NR6A1: variants seen among roughly 807,000 people sequenced by gnomAD.
NR6A1 encodes retinoic acid receptor-related testis-associated receptor.
Under a neutral mutation model 59.1 loss-of-function variants are expected in NR6A1, and 7 were observed. The ratio of observed to expected loss-of-function variants is 0.12; its 90% confidence interval spans 0.07 to 0.22. The LOEUF is 0.22. Among genes scored for constraint, NR6A1 ranks in the 10% least tolerant of loss-of-function variants. NR6A1 has a pLI of 1.00. For missense variants in NR6A1, 468 were observed against 611.6 expected, an observed-to-expected ratio of 0.77 and a Z score of 2.48; for synonymous variants, 243 against 236.1, an observed-to-expected ratio of 1.03 and a Z score of -0.27.
intron 1 of NR6A1, among the ~76,000 whole-genome samples, chr9:124,760,948 TG>T (rs971951684): frequency 6.6e-6 from 1 of 152,170 alleles, no homozygotes. Flanking sequence ...TGCATGTCAA[TG>T]GGGGGCTTCC....
intron 3 of NR6A1, 65 bp downstream of exon 3, chr9:124,554,262 AC>A: frequency 6.2e-7 from 1 of 1,608,816 alleles, no homozygotes; most frequent in African/African-American, 1.3e-5. Flanking sequence ...AAGTAACTAA[AC>A]AGCTGACACT....
At chr9:124,736,850 TAAAG>T (rs1840034249) in intron 1 of NR6A1, among the ~76,000 whole-genome samples, 2 of 151,906 alleles carry the variant, frequency 1.3e-5, no homozygotes, top group South Asian at 2.1e-4. Context: ...TCTCAAAAAA[TAAAG>T]AATTAAATGA....
chr9:124,527,729 A>T (rs776149811), intron 7 of NR6A1, among the ~76,000 whole-genome samples: 2 of 152,188 alleles, frequency 1.3e-5, no homozygotes, highest in Non-Finnish European at 2.9e-5. Flanking sequence ...GAAGTGGCTC[A>T]AAGCCCCCAT....
chr9:124,694,035 T>G (rs954903222), intron 2 of NR6A1, among the ~76,000 whole-genome samples: 1 of 152,188 alleles, frequency 6.6e-6, no homozygotes, highest in Non-Finnish European at 1.5e-5. Context: ...CACATCACAT[T>G]TTAAAAATCA....
At chr9:124,715,335 C>G (rs1009504549) in intron 2 of NR6A1, among the ~76,000 whole-genome samples, 6 of 151,886 alleles carry the variant, frequency 4.0e-5, no homozygotes, top group Admixed American at 3.9e-4. Flanking sequence ...CCAGCCTGGA[C>G]AACATAGTGA....
At chr9:124,601,327 G>A (rs1835440773) in intron 2 of NR6A1, among the ~76,000 whole-genome samples, 2 of 151,972 alleles carry the variant, frequency 1.3e-5, no homozygotes, top group African/African-American at 4.8e-5. Flanking sequence ...GCTCACACCT[G>A]TAATCCCAAC....
intron 7 of NR6A1, among the ~76,000 whole-genome samples, chr9:124,533,112 T>G (rs538714559): frequency 6.6e-6 from 1 of 152,340 alleles, no homozygotes; most frequent in East Asian, 1.9e-4. Flanking sequence ...GCAAACCCAT[T>G]ACTTGGAAGT....
At chr9:124,587,214 T>C (rs1588689176) in intron 2 of NR6A1, among the ~76,000 whole-genome samples, 1 of 152,232 alleles carries the variant, frequency 6.6e-6, no homozygotes, top group Non-Finnish European at 1.5e-5. Flanking sequence ...AGGGTTTTTT[T>C]CTGACATAAT....
At position 124,521,663 on chromosome 9, in the gene NR6A1, A is replaced by G. The variant is rs564230059; in HGVS notation, c.*1042T>C. The G allele has an allele frequency of 1.3e-5, 2 of 152,226 alleles. No individual in the cohort carries two copies. Among genetic ancestry groups the G allele is most frequent in the Non-Finnish European group, 2.9e-5 (2 of 68,058 alleles). 9.4% of individuals were successfully genotyped at this position (152,226 alleles called of 1,614,324 possible). ...AACAGATTTCAAAAGGGGAGTGTCT[A>G]TTCTTTTTGCAGTCTGGCCTTGCCC... is the stretch of plus-strand genomic sequence containing the variant. On this transcript the variant is annotated 3_prime_UTR_variant, in exon 10 of 10. Coordinates refer to ENST00000487099, the MANE Select transcript of NR6A1 (RefSeq NM_033334.4).
chr9:124,598,250 T>C (rs997482069), intron 2 of NR6A1, among the ~76,000 whole-genome samples: 2 of 151,902 alleles, frequency 1.3e-5, no homozygotes, highest in Admixed American at 1.3e-4. Context: ...GGCAGGAGGA[T>C]GGCTTGAAGC....
chr9:124,524,937 G>T (rs1370599655), intron 8 of NR6A1, 64 bp from the exon 9 acceptor site: 1 of 1,505,220 alleles, frequency 6.6e-7, no homozygotes, highest in Non-Finnish European at 8.9e-7. Context: ...TAATGTGGAA[G>T]AAACACCAGC....
At position 124,712,020 on chromosome 9, in the gene NR6A1, G is replaced by C. The variant is rs557022553; in HGVS notation, c.142+21288C>G. Among the ~76,000 whole-genome samples, 69 of 152,278 alleles carry C rather than the reference G, an allele frequency of 4.5e-4. 1 individual carries two copies. The highest frequency in any genetic ancestry group is 1.6e-3 in the African/African-American group (68 of 41,548). ...ACCAGAAAATCTTGTTCCGAGTTTTGCAAGCACAGGTTTTCTATTTTTCAG... is the reference window on the plus strand; with the variant it reads ...ACCAGAAAATCTTGTTCCGAGTTTTCCAAGCACAGGTTTTCTATTTTTCAG... On this transcript the variant is annotated intron_variant, in intron 2 of 9. Transcript: ENST00000487099.
chr9:124,732,853 C>T (rs554479127), intron 2 of NR6A1, among the ~76,000 whole-genome samples: 4 of 152,172 alleles, frequency 2.6e-5, no homozygotes, highest in Admixed American at 6.5e-5. Context: ...CCCGCCACCA[C>T]GCCCGGCTGA....
intron 1 of NR6A1, among the ~76,000 whole-genome samples, chr9:124,768,332 T>C (rs1180151916): frequency 6.6e-6 from 1 of 152,226 alleles, no homozygotes; most frequent in East Asian, 1.9e-4. Context: ...CAGTTTCATA[T>C]ATTTTTGGAG....
chr9:124,610,572 G>T (rs957552161), intron 2 of NR6A1, among the ~76,000 whole-genome samples: 5 of 151,926 alleles, frequency 3.3e-5, no homozygotes, highest in Non-Finnish European at 5.9e-5. Context: ...TTTTTTTGTT[G>T]TATCTCTGCC....
Position 124,555,968 on chromosome 9 carries a change from A to G in NR6A1, c.143-1398T>C, listed in dbSNP as rs556104416. On this transcript the variant is annotated intron_variant, in intron 2 of 9. Transcript: ENST00000487099. ...AATGTTAGCAGAGGGTCATGGTAGT[A>G]TATACAGGAGGGATGCAGAGAAAGG... Among the ~76,000 whole-genome samples, 7 of 152,334 alleles carry G rather than the reference A, an allele frequency of 4.6e-5. No individual in the cohort carries two copies. The East Asian group carries it at 1.4e-3, about 29-fold the overall frequency.
chr9:124,760,211 C>T (rs1248716861), intron 1 of NR6A1, among the ~76,000 whole-genome samples: 1 of 151,846 alleles, frequency 6.6e-6, no homozygotes, highest in Non-Finnish European at 1.5e-5. Context: ...GCTCCAGGGG[C>T]TGAAGCAGGA....
chr9:124,652,274 C>A (rs1004113100), intron 2 of NR6A1, among the ~76,000 whole-genome samples: 3 of 152,176 alleles, frequency 2.0e-5, no homozygotes, highest in African/African-American at 7.2e-5. Context: ...AATGTCCCCT[C>A]CTCAACTGTC....
chr9:124,552,262 A>G, intron 3 of NR6A1, among the ~76,000 whole-genome samples: 1 of 152,228 alleles, frequency 6.6e-6, no homozygotes, highest in Non-Finnish European at 1.5e-5. Flanking sequence ...AAACAGGGTG[A>G]GGGCAGGAAG....
Sources: gnomAD v4.1 joint callset for allele counts (sites outside exome capture counted in the v4.1 genomes callset) on GRCh38, gnomAD v4.1.1 for gene constraint, MANE v1.5 for transcripts, NCBI Gene and HGNC (gene_info 2026-07-23, HGNC 2026-07-21) for gene names.